ASB7: variants seen among roughly 807,000 people sequenced by gnomAD.
ASB7 encodes the protein ankyrin repeat and SOCS box protein 7.
Under a neutral mutation model 32.5 loss-of-function variants are expected in ASB7, and 4 were observed. That is an observed-to-expected ratio of 0.12 (90% confidence interval 0.06 to 0.28). The LOEUF (loss-of-function observed/expected upper bound fraction) is 0.28, where lower values mean the gene tolerates loss of function less well. Ranked by LOEUF, ASB7 falls within the 10% of genes least tolerant of loss-of-function variation. ASB7 has a pLI of 1.00. For synonymous variants in ASB7, 172 were observed against 155.6 expected (o/e 1.11, Z -0.78); for missense variants, 181 against 407.1 (o/e 0.44, Z 4.78).
chr15:100,619,108 G>A (rs924939029), intron 4 of ASB7, among the ~76,000 whole-genome samples: 2 of 152,158 alleles, frequency 1.3e-5, no homozygotes, highest in East Asian at 3.9e-4. Flanking sequence ...GTCTGCTGGG[G>A]TGGGTGGACG....
At chr15:100,606,505 A>G (rs1373062808) in intron 2 of ASB7, among the ~76,000 whole-genome samples, 1 of 152,164 alleles carries the variant, frequency 6.6e-6, no homozygotes, top group Non-Finnish European at 1.5e-5. Context: ...TCTTAAGCAT[A>G]TTTTGTTTTA....
intron 4 of ASB7, among the ~76,000 whole-genome samples, chr15:100,616,595 C>T (rs1441181959): frequency 2.0e-5 from 3 of 152,138 alleles, no homozygotes; most frequent in African/African-American, 7.2e-5. Flanking sequence ...TGCACTAGGT[C>T]AGATATAAGG....
chr15:100,646,302 A>C (rs1177643868), intron 5 of ASB7: 1 of 391,708 alleles, frequency 2.6e-6, no homozygotes, highest in African/African-American at 2.1e-5. Context: ...AAGTCTCATC[A>C]TAAGAACCAG....
chr15:100,618,467 C>G (rs979648294), intron 4 of ASB7, among the ~76,000 whole-genome samples: 1 of 152,124 alleles, frequency 6.6e-6, no homozygotes, highest in Non-Finnish European at 1.5e-5. Context: ...AGATTGGCTC[C>G]TCCTGTTAGT....
rs141856704 is a variant in ASB7 at position 100,624,367 on chromosome 15, C to T, written c.212-5070C>T. On this transcript the variant is annotated intron_variant, in intron 4 of 5. Coordinates refer to ENST00000332783, the MANE Select transcript of ASB7 (RefSeq NM_198243.3). Reference sequence around the variant, plus strand: ...GGTGATGATGGATAACGCAGATACCCTGACTTGATCGTTACACATTCTGTG... The same window carrying T: ...GGTGATGATGGATAACGCAGATACCTTGACTTGATCGTTACACATTCTGTG... Among the ~76,000 whole-genome samples, 664 of 152,306 alleles carry T rather than the reference C, an allele frequency of 4.4e-3. 2 individuals carry two copies. The highest frequency in any genetic ancestry group is 0.015 in the African/African-American group (629 of 41,550).
chr15:100,614,378 TG>T (rs2039723965), intron 4 of ASB7, among the ~76,000 whole-genome samples: 1 of 152,192 alleles, frequency 6.6e-6, no homozygotes, highest in South Asian at 2.1e-4. Flanking sequence ...ATTCTACAAC[TG>T]TTGTTTTTTA....
chr15:100,633,350 G>C (rs1208686111), intron 5 of ASB7, among the ~76,000 whole-genome samples: 1 of 152,198 alleles, frequency 6.6e-6, no homozygotes, highest in Non-Finnish European at 1.5e-5. Context: ...GCTGAGGCGG[G>C]TGGGTCACCT....
intron 5 of ASB7, among the ~76,000 whole-genome samples, chr15:100,647,762 T>C (rs1006472007): frequency 1.3e-5 from 2 of 152,142 alleles, no homozygotes; most frequent in African/African-American, 4.8e-5. Context: ...GGTGAGCAGA[T>C]CTGGAAAGCT....
At chr15:100,633,569 C>T (rs2039900078) in intron 5 of ASB7, among the ~76,000 whole-genome samples, 1 of 144,820 alleles carries the variant, frequency 6.9e-6, no homozygotes, top group Admixed American at 7.1e-5. Context: ...AAGAGTGAAA[C>T]TCTCTCAAGA....
chr15:100,602,773 C>T lies in ASB7; in HGVS notation c.-546C>T, dbSNP rs951319259. The T allele has an allele frequency of 2.6e-6, 1 of 388,336 alleles. No homozygotes were observed. Among genetic ancestry groups the T allele is most frequent in the Non-Finnish European group, 4.5e-6 (1 of 220,222 alleles). The allele number at this position is 388,336 out of a possible 1,614,324, so 24.1% of individuals were successfully genotyped here. On this transcript the variant is annotated 5_prime_UTR_variant, in exon 1 of 6. Transcript: ENST00000332783. ...CCTCCGGCCCGGAGCGCGGCAGCCC[C>T]CTGCTCCGAGCCCTGGACCGGGACT... is the stretch of plus-strand genomic sequence containing the variant.
chr15:100,609,693 T>G lies in ASB7; in HGVS notation c.-173-14T>G, dbSNP rs1250999064. 1.3e-5 allele frequency: 2 copies of G among 152,226 alleles called. No homozygotes were observed. Among genetic ancestry groups the G allele is most frequent in the Non-Finnish European group, 2.9e-5 (2 of 68,048 alleles). The allele number at this position is 152,226 out of a possible 1,614,324, so 9.4% of individuals were successfully genotyped here. On this transcript the variant is annotated splice_polypyrimidine_tract_variant and intron_variant, in intron 2 of 5. Coordinates refer to ENST00000332783, the MANE Select transcript of ASB7 (RefSeq NM_198243.3). ...AGGAATTTTCCTATGATTGTTATTT[T>G]TATTTGTTTCTAGGTTAAGAAGGCT...
Position 100,603,278 on chromosome 15 carries a change from A to G in ASB7, c.-209A>G, listed in dbSNP as rs1180857064. 1.8e-5 allele frequency: 6 copies of G among 330,202 alleles called. No individual in the cohort carries two copies. The highest frequency in any genetic ancestry group is 1.3e-4 in the African/African-American group (6 of 46,780). The allele number at this position is 330,202 out of a possible 1,614,324, so 20.5% of individuals were successfully genotyped here. A position where few individuals can be genotyped will look rare whatever the true frequency, so the allele number is the denominator to read the frequency against. On this transcript the variant is annotated 5_prime_UTR_variant, in exon 2 of 6. Transcript: ENST00000332783. ...GTCTGCCCACCTATCAGAGAAGCAGAAGGCACAGTGCCTCTGACCAGCATC... is the reference window on the plus strand; with the variant it reads ...GTCTGCCCACCTATCAGAGAAGCAGGAGGCACAGTGCCTCTGACCAGCATC...
intron 5 of ASB7, chr15:100,645,537 C>A: frequency 1.5e-6 from 1 of 672,238 alleles, no homozygotes; most frequent in Non-Finnish European, 2.8e-6. Flanking sequence ...GCAGCCACAT[C>A]ATAGAGAGGA....
chr15:100,627,239 T>A (rs2039847711), intron 4 of ASB7, among the ~76,000 whole-genome samples: 2 of 152,300 alleles, frequency 1.3e-5, no homozygotes, highest in South Asian at 4.1e-4. Context: ...AAATGTTTGC[T>A]AAGGGGACAA....
intron 3 of ASB7, among the ~76,000 whole-genome samples, 159 bp downstream of exon 3, chr15:100,609,987 G>A (rs1466109612): frequency 1.3e-5 from 2 of 152,180 alleles, no homozygotes; most frequent in African/African-American, 4.8e-5. Flanking sequence ...TTCTTGCATG[G>A]TAGGCCTCGT....
At chr15:100,641,632 C>T (rs1455091866) in intron 5 of ASB7, among the ~76,000 whole-genome samples, 2 of 152,224 alleles carry the variant, frequency 1.3e-5, no homozygotes, top group African/African-American at 4.8e-5. Context: ...TTGCTCAGGA[C>T]TGTTTCCCAC....
At chr15:100,621,117 C>T (rs1188358638) in intron 4 of ASB7, among the ~76,000 whole-genome samples, 5 of 152,118 alleles carry the variant, frequency 3.3e-5, no homozygotes, top group Non-Finnish European at 7.4e-5. Flanking sequence ...TATGAGAGTA[C>T]ATTTGGAAAG....
At chr15:100,636,198 GT>G (rs1367800793) in intron 5 of ASB7, among the ~76,000 whole-genome samples, 1 of 152,144 alleles carries the variant, frequency 6.6e-6, no homozygotes, top group Non-Finnish European at 1.5e-5. Flanking sequence ...CTCTGAATTT[GT>G]TTCCTCTCCA....
intron 5 of ASB7, among the ~76,000 whole-genome samples, chr15:100,640,225 A>C (rs540925442): frequency 1.5e-3 from 223 of 152,156 alleles, no homozygotes; most frequent in South Asian, 7.1e-3. Context: ...GCTCACTGCA[A>C]CCTCTGCCTA....
Sources: allele counts gnomAD v4.1 joint callset (sites outside exome capture counted in the v4.1 genomes callset), GRCh38; gene constraint gnomAD v4.1.1; transcripts MANE v1.5; gene names NCBI Gene and HGNC (gene_info 2026-07-23, HGNC 2026-07-21).